KCNH7: variants seen among roughly 807,000 people sequenced by gnomAD.
KCNH7 encodes voltage-gated inwardly rectifying potassium channel KCNH7.
In KCNH7, 49 loss-of-function variants were observed where a neutral mutation model predicts 120.8. The ratio of observed to expected loss-of-function variants is 0.41; its 90% CI spans 0.32 to 0.51. KCNH7 has a LOEUF of 0.51. KCNH7 is among the 20% of genes least tolerant of loss of function. The pLI is 0.38. For missense variants in KCNH7, 1,097 were observed against 1,446.6 expected (o/e 0.76, Z 3.92); for synonymous variants, 547 against 516.1 (o/e 1.06, Z -0.81).
intron 6 of KCNH7, among the ~76,000 whole-genome samples, chr2:162,483,004 C>T (rs1356951472): frequency 1.3e-4 from 20 of 151,910 alleles, no homozygotes; most frequent in Admixed American, 1.2e-3. Flanking sequence ...TGGATTTATT[C>T]TCAAGAAGGA....
chr2:162,690,893 T>C (rs1182549605), intron 2 of KCNH7, among the ~76,000 whole-genome samples: 1 of 152,186 alleles, frequency 6.6e-6, no homozygotes, highest in African/African-American at 2.4e-5. Flanking sequence ...TGCTGGAATT[T>C]CTTGGTCAGA....
At chr2:162,375,909 A>G (rs892987491) in intron 14 of KCNH7, among the ~76,000 whole-genome samples, 2 of 151,726 alleles carry the variant, frequency 1.3e-5, no homozygotes, top group African/African-American at 4.9e-5. Flanking sequence ...AAAAAAAAAA[A>G]AAGAAAAAAA....
Position 162,423,343 on chromosome 2 carries a change from A to T in KCNH7, c.2147T>A (p.Met716Lys). ...HAWTYTNGID[M>K]NMVLKGFPEC... Reference sequence around the variant, plus strand: ...GAAAACAGACATACATACCATGTTCATGTCAATGCCATTGGTGTAAGTCCA... The same window carrying T: ...GAAAACAGACATACATACCATGTTCTTGTCAATGCCATTGGTGTAAGTCCA... Residue 716 changes from methionine (M) to lysine (K), a missense_variant, in exon 9 of 16, where the codon ATG becomes AAG. By Grantham distance (95) the Met-to-Lys change is moderately conservative (BLOSUM62 -1). Transcript: ENST00000332142. The T allele has an allele frequency of 1.2e-6, 2 of 1,614,104 alleles. No individual in the cohort carries two copies. The highest frequency in any genetic ancestry group is 1.7e-6 in the Non-Finnish European group (2 of 1,179,950).
chr2:162,565,697 G>T (rs1693227682), intron 2 of KCNH7, among the ~76,000 whole-genome samples: 1 of 151,934 alleles, frequency 6.6e-6, no homozygotes, highest in Non-Finnish European at 1.5e-5. Flanking sequence ...GGTCTCCCAA[G>T]ATTATTTATA....
chr2:162,774,039 G>C (rs1274626764), intron 2 of KCNH7, among the ~76,000 whole-genome samples: 2 of 152,068 alleles, frequency 1.3e-5, no homozygotes, highest in Non-Finnish European at 2.9e-5. Context: ...TTGAACTTCA[G>C]AGCTCCAGTG....
At chr2:162,665,187 C>T (rs1685091930) in intron 2 of KCNH7, among the ~76,000 whole-genome samples, 1 of 152,072 alleles carries the variant, frequency 6.6e-6, no homozygotes, top group Admixed American at 6.6e-5. Flanking sequence ...TCTGTAAGAA[C>T]ACAGATGATT....
At chr2:162,488,014 G>A (rs1238087494) in intron 6 of KCNH7, among the ~76,000 whole-genome samples, 1 of 152,196 alleles carries the variant, frequency 6.6e-6, no homozygotes, top group Non-Finnish European at 1.5e-5. Context: ...CTTGAACTAT[G>A]TGTTTGTCCC....
chr2:162,710,269 A>G (rs565905441), intron 2 of KCNH7, among the ~76,000 whole-genome samples: 90 of 152,344 alleles, frequency 5.9e-4, no homozygotes, highest in Non-Finnish European at 1.1e-3. Flanking sequence ...GGGGAATGCC[A>G]TAACAATTTG....
intron 2 of KCNH7, among the ~76,000 whole-genome samples, chr2:162,820,609 C>T (rs1476516628): frequency 2.0e-5 from 3 of 152,108 alleles, no homozygotes; most frequent in South Asian, 4.1e-4. Flanking sequence ...TAGTGGCTAA[C>T]TTGTGTTTTC....
chr2:162,608,590 CTT>C (rs1682859570), intron 2 of KCNH7, among the ~76,000 whole-genome samples: 1 of 152,134 alleles, frequency 6.6e-6, no homozygotes, highest in Admixed American at 6.6e-5. Context: ...CAGTGAATCT[CTT>C]TTCATATCCT....
At chr2:162,467,448 C>T (rs547030113) in intron 6 of KCNH7, among the ~76,000 whole-genome samples, 2 of 152,244 alleles carry the variant, frequency 1.3e-5, no homozygotes, top group East Asian at 3.9e-4. Context: ...TCTCTGAGGG[C>T]TGGTTGTTCA....
intron 6 of KCNH7, among the ~76,000 whole-genome samples, chr2:162,467,866 C>T (rs1237459926): frequency 6.6e-6 from 1 of 152,082 alleles, no homozygotes; most frequent in Non-Finnish European, 1.5e-5. Context: ...CTGGTGAGGG[C>T]CTGATTTCTG....
At chr2:162,575,826 T>A (rs1252084272) in intron 2 of KCNH7, among the ~76,000 whole-genome samples, 1 of 152,142 alleles carries the variant, frequency 6.6e-6, no homozygotes, top group African/African-American at 2.4e-5. Context: ...TAGATTAGTT[T>A]TAAAAATTTA....
At chr2:162,715,471 T>C (rs1687085126) in intron 2 of KCNH7, among the ~76,000 whole-genome samples, 1 of 152,066 alleles carries the variant, frequency 6.6e-6, no homozygotes, top group Non-Finnish European at 1.5e-5. Flanking sequence ...ACTATATCAG[T>C]TGGTATGGTG....
chr2:162,459,818 G>A (rs191441620), intron 6 of KCNH7, among the ~76,000 whole-genome samples: 56 of 152,206 alleles, frequency 3.7e-4, no homozygotes, highest in East Asian at 1.2e-3. Context: ...CAAAGAGGCC[G>A]GGCGCAGTGG....
At chr2:162,611,032 C>T (rs1682945189) in intron 2 of KCNH7, among the ~76,000 whole-genome samples, 1 of 152,148 alleles carries the variant, frequency 6.6e-6, no homozygotes, top group Non-Finnish European at 1.5e-5. Context: ...AAAGGTACAG[C>T]ATATGAGAGT....
intron 2 of KCNH7, among the ~76,000 whole-genome samples, chr2:162,829,296 T>C (rs1333965595): frequency 6.6e-6 from 1 of 152,216 alleles, no homozygotes; most frequent in African/African-American, 2.4e-5. Flanking sequence ...TAATAATTAA[T>C]GATTAATCAG....
At chr2:162,626,992 A>T (rs1231149403) in intron 2 of KCNH7, among the ~76,000 whole-genome samples, 2 of 152,212 alleles carry the variant, frequency 1.3e-5, no homozygotes, top group African/African-American at 4.8e-5. Context: ...GCAATTTGTA[A>T]GATCATGCTT....
chr2:162,615,725 G>A (rs569901637), intron 2 of KCNH7, among the ~76,000 whole-genome samples: 1 of 152,110 alleles, frequency 6.6e-6, no homozygotes, highest in South Asian at 2.1e-4. Context: ...AAACAATGAG[G>A]TTATGAAACT....
Sources: allele counts gnomAD v4.1 joint callset (sites outside exome capture counted in the v4.1 genomes callset), GRCh38; gene constraint gnomAD v4.1.1; transcripts MANE v1.5; gene names NCBI Gene and HGNC (gene_info 2026-07-23, HGNC 2026-07-21).